The following VAV3 variants were observed in gnomAD, a reference collection of about 807,000 sequenced individuals.
VAV3 encodes the protein vav guanine nucleotide exchange factor 3.
Under a neutral mutation model 131.2 loss-of-function variants are expected in VAV3, and 94 were observed. That is an observed-to-expected ratio of 0.72 (90% CI 0.61 to 0.85). The LOEUF (loss-of-function observed/expected upper bound fraction) is 0.85, where lower values mean the gene tolerates loss of function less well. VAV3 is among the 40% of genes least tolerant of loss of function. The pLI is 0.00. For synonymous variants in VAV3, 349 were observed against 342.0 expected, an observed-to-expected ratio of 1.02 and a Z score of -0.22; for missense variants, 939 against 1,002.7, an observed-to-expected ratio of 0.94 and a Z score of 0.86.
chr1:107,764,519 TC>T (rs1412405981), intron 9 of VAV3, among the ~76,000 whole-genome samples: 1 of 152,214 alleles, frequency 6.6e-6, no homozygotes, highest in Non-Finnish European at 1.5e-5. Context: ...TTAGTAAACA[TC>T]TTTTTTATTT....
chr1:107,922,183 T>C (rs1672930469), intron 1 of VAV3, among the ~76,000 whole-genome samples: 1 of 152,176 alleles, frequency 6.6e-6, no homozygotes, highest in Non-Finnish European at 1.5e-5. Flanking sequence ...TCTATCACTC[T>C]ACCTTGCACA....
intron 15 of VAV3, among the ~76,000 whole-genome samples, chr1:107,721,058 T>C (rs930772471): frequency 2.6e-5 from 4 of 152,318 alleles, no homozygotes; most frequent in South Asian, 2.1e-4. Flanking sequence ...AGGCTTGATA[T>C]GGGTGAACAG....
chr1:107,883,327 C>T (rs981433440), intron 1 of VAV3, among the ~76,000 whole-genome samples: 2 of 152,076 alleles, frequency 1.3e-5, no homozygotes, highest in African/African-American at 4.8e-5. Flanking sequence ...CTACCTAGTG[C>T]CCTAAGAAAT....
intron 15 of VAV3, among the ~76,000 whole-genome samples, chr1:107,739,291 C>T (rs574218732): frequency 5.9e-5 from 9 of 152,342 alleles, no homozygotes; most frequent in South Asian, 4.1e-4. Context: ...GAAATACTTT[C>T]GCATGTTTCC....
At chr1:107,588,923 C>T (rs1027851848) in intron 25 of VAV3, among the ~76,000 whole-genome samples, 1 of 152,114 alleles carries the variant, frequency 6.6e-6, no homozygotes, top group Non-Finnish European at 1.5e-5. Context: ...TGTTTAGGAG[C>T]CTGCATTGGC....
chr1:107,841,246 T>A (rs1668692688), intron 2 of VAV3, among the ~76,000 whole-genome samples: 1 of 152,120 alleles, frequency 6.6e-6, no homozygotes, highest in South Asian at 2.1e-4. Context: ...AGCACAAAGT[T>A]CTTGTCCTCA....
At chr1:107,635,886 T>C (rs1490002064) in intron 20 of VAV3, among the ~76,000 whole-genome samples, 1 of 152,234 alleles carries the variant, frequency 6.6e-6, no homozygotes. Flanking sequence ...GCTAAGTTAC[T>C]AGCTGTGTGT....
At chr1:107,898,561 T>C (rs531143071) in intron 1 of VAV3, among the ~76,000 whole-genome samples, 1 of 152,276 alleles carries the variant, frequency 6.6e-6, no homozygotes, top group Non-Finnish European at 1.5e-5. Context: ...AAAGATGACT[T>C]TTCCAAAATA....
intron 19 of VAV3, among the ~76,000 whole-genome samples, chr1:107,654,598 C>CT (rs1656407477): frequency 6.6e-6 from 1 of 152,026 alleles, no homozygotes; most frequent in Admixed American, 6.6e-5. Flanking sequence ...AACTCTCTCC[C>CT]TGACCTTCCT....
intron 13 of VAV3, 109 bp downstream of exon 13, chr1:107,751,008 A>G (rs970702325): frequency 2.8e-6 from 3 of 1,073,728 alleles, no homozygotes; most frequent in African/African-American, 3.2e-5. Flanking sequence ...GTCTCCTTGT[A>G]TTTCTTCCTT....
At chr1:107,810,744 C>A (rs1667278151) in intron 2 of VAV3, among the ~76,000 whole-genome samples, 2 of 151,954 alleles carry the variant, frequency 1.3e-5, no homozygotes. Context: ...AGGCTCCAAA[C>A]ACACTTTTTC....
chr1:107,718,050 C>A (rs369032401), intron 15 of VAV3, among the ~76,000 whole-genome samples: 2 of 151,882 alleles, frequency 1.3e-5, no homozygotes, highest in African/African-American at 4.8e-5. Flanking sequence ...ATTGATGGAA[C>A]GTATCTCAAA....
intron 20 of VAV3, among the ~76,000 whole-genome samples, chr1:107,641,468 A>G (rs554017921): frequency 6.6e-6 from 1 of 152,162 alleles, no homozygotes; most frequent in Non-Finnish European, 1.5e-5. Context: ...TCTAACATAC[A>G]CATGAAATTC....
chr1:107,687,274 C>G (rs189394527), intron 18 of VAV3, among the ~76,000 whole-genome samples: 1 of 152,100 alleles, frequency 6.6e-6, no homozygotes, highest in Admixed American at 6.5e-5. Context: ...ATATCACACT[C>G]TTGATATCCT....
intron 2 of VAV3, among the ~76,000 whole-genome samples, chr1:107,826,890 G>A (rs1668039926): frequency 6.6e-6 from 1 of 151,942 alleles, no homozygotes; most frequent in African/African-American, 2.4e-5. Context: ...CAGATAAACA[G>A]CTTAATATCT....
intron 20 of VAV3, among the ~76,000 whole-genome samples, chr1:107,635,974 T>C (rs1452575405): frequency 6.6e-6 from 1 of 152,242 alleles, no homozygotes; most frequent in African/African-American, 2.4e-5. Flanking sequence ...TAATTCATTT[T>C]ATAGAATTTT....
chr1:107,668,880 A>G (rs1657586641), intron 19 of VAV3: 1 of 985,528 alleles, frequency 1.0e-6, no homozygotes, highest in African/African-American at 1.7e-5. Context: ...AGCTGGCAGT[A>G]TCTTATTACA....
chr1:107,919,038 A>G (rs1672761294), intron 1 of VAV3, among the ~76,000 whole-genome samples: 1 of 152,130 alleles, frequency 6.6e-6, no homozygotes, highest in African/African-American at 2.4e-5. Context: ...GTTATTCTCC[A>G]ATGTATGTTT....
At chr1:107,738,875 A>G (rs1662840852) in intron 15 of VAV3, among the ~76,000 whole-genome samples, 1 of 152,184 alleles carries the variant, frequency 6.6e-6, no homozygotes, top group South Asian at 2.1e-4. Flanking sequence ...GCAAATCTCT[A>G]CACTACTCAG....
Sources: gnomAD v4.1 joint callset for allele counts (sites outside exome capture counted in the v4.1 genomes callset) on GRCh38, gnomAD v4.1.1 for gene constraint, MANE v1.5 for transcripts, NCBI Gene and HGNC (gene_info 2026-07-23, HGNC 2026-07-21) for gene names.